Variants in MACROD2 observed in about 807,000 individuals in gnomAD.
The protein encoded by MACROD2 is ADP-ribose glycohydrolase MACROD2.
Under a neutral mutation model 70.4 loss-of-function variants are expected in MACROD2, and 36 were observed. The ratio of observed to expected loss-of-function variants is 0.51; its 90% CI spans 0.39 to 0.68. The LOEUF (loss-of-function observed/expected upper bound fraction) is 0.68. Among genes scored for constraint, MACROD2 ranks in the 30% least tolerant of loss-of-function variants. The pLI, the probability that MACROD2 is intolerant of heterozygous loss-of-function variation, is 0.00. For synonymous variants in MACROD2, 172 were observed against 178.8 expected, an observed-to-expected ratio of 0.96 and a Z score of 0.30; for missense variants, 496 against 538.4, an observed-to-expected ratio of 0.92 and a Z score of 0.78.
At chr20:14,060,934 AC>A (rs969650015) in intron 2 of MACROD2, among the ~76,000 whole-genome samples, 11 of 152,204 alleles carry the variant, frequency 7.2e-5, no homozygotes, top group African/African-American at 2.4e-4. Flanking sequence ...GTCCTTAGGT[AC>A]CTCGTGTCTT....
At chr20:14,604,659 T>A (rs894727872) in intron 4 of MACROD2, among the ~76,000 whole-genome samples, 4 of 152,202 alleles carry the variant, frequency 2.6e-5, no homozygotes, top group Admixed American at 6.5e-5. Flanking sequence ...TTTATTGCTC[T>A]TTCCTCCAAC....
At chr20:14,402,747 A>G (rs2083651128) in intron 3 of MACROD2, among the ~76,000 whole-genome samples, 1 of 152,220 alleles carries the variant, frequency 6.6e-6, no homozygotes, top group Admixed American at 6.5e-5. Context: ...ACAATCATAA[A>G]CAGACCAATA....
chr20:14,125,397 C>T (rs1036576905), intron 3 of MACROD2, among the ~76,000 whole-genome samples: 5 of 152,028 alleles, frequency 3.3e-5, no homozygotes, highest in African/African-American at 7.2e-5. Flanking sequence ...TTCATTTTTT[C>T]GGGACTAATC....
intron 8 of MACROD2, among the ~76,000 whole-genome samples, chr20:15,810,126 G>T (rs1319302687): frequency 6.7e-6 from 1 of 149,446 alleles, no homozygotes; most frequent in South Asian, 2.1e-4. Context: ...TTGGTTTTTT[G>T]TCCTTGCGAT....
At chr20:14,575,041 A>AAAAAAAAAAAAAT (rs1175447813) in intron 4 of MACROD2, among the ~76,000 whole-genome samples, 1 of 23,862 alleles carries the variant, frequency 4.2e-5, no homozygotes, top group African/African-American at 7.5e-5. Flanking sequence ...AAAAAAAAAA[A>AAAAAAAAAAAAAT]ATATTCACAA....
At chr20:15,344,132 A>G (rs2078138513) in intron 6 of MACROD2, among the ~76,000 whole-genome samples, 1 of 152,224 alleles carries the variant, frequency 6.6e-6, no homozygotes, top group Non-Finnish European at 1.5e-5. Context: ...TTTACATTCC[A>G]GATGCAGATC....
chr20:15,824,587 G>A (rs2063976627), intron 8 of MACROD2, among the ~76,000 whole-genome samples: 1 of 152,188 alleles, frequency 6.6e-6, no homozygotes, highest in Non-Finnish European at 1.5e-5. Context: ...AGTGATGCTA[G>A]ATATTCTTCT....
At chr20:15,536,774 T>C (rs2047880399) in intron 8 of MACROD2, among the ~76,000 whole-genome samples, 2 of 152,346 alleles carry the variant, frequency 1.3e-5, no homozygotes, top group South Asian at 4.1e-4. Flanking sequence ...TTTATTATGA[T>C]CGTTTCCATC....
chr20:14,847,530 C>G (rs2073156731), intron 5 of MACROD2, among the ~76,000 whole-genome samples: 1 of 139,242 alleles, frequency 7.2e-6, no homozygotes, highest in African/African-American at 2.8e-5. Context: ...CAGTACAATG[C>G]AACACACAGA....
intron 4 of MACROD2, among the ~76,000 whole-genome samples, chr20:14,583,070 G>T (rs73612370): frequency 5.7e-5 from 1 of 17,450 alleles, no homozygotes; most frequent in African/African-American, 1.0e-4. Context: ...AACTAAGGAC[G>T]TGTGACTGTA....
chr20:14,522,510 C>T (rs2085180342), intron 4 of MACROD2, among the ~76,000 whole-genome samples: 1 of 152,214 alleles, frequency 6.6e-6, no homozygotes. Flanking sequence ...GGTGCCTCTA[C>T]TCTGTCGGGC....
intron 8 of MACROD2, among the ~76,000 whole-genome samples, chr20:15,586,091 C>T (rs541183237): frequency 1.3e-3 from 198 of 152,302 alleles, no homozygotes; most frequent in African/African-American, 4.6e-3. Flanking sequence ...TCAGTTATGG[C>T]TTTTCCCTAC....
intron 8 of MACROD2, among the ~76,000 whole-genome samples, chr20:15,681,461 T>C (rs1041971216): frequency 6.6e-6 from 1 of 152,180 alleles, no homozygotes; most frequent in South Asian, 2.1e-4. Flanking sequence ...AGGCCTGACA[T>C]TGTAGCTCTT....
chr20:14,640,411 AT>A (rs555203492), intron 4 of MACROD2, among the ~76,000 whole-genome samples: 136 of 151,734 alleles, frequency 9.0e-4, no homozygotes, highest in Non-Finnish European at 1.2e-3. Flanking sequence ...TGAAAAGGAT[AT>A]TTTTTTTTCT....
At chr20:14,195,260 C>T (rs975676728) in intron 3 of MACROD2, among the ~76,000 whole-genome samples, 12 of 152,058 alleles carry the variant, frequency 7.9e-5, no homozygotes, top group African/African-American at 2.9e-4. Context: ...GTATAGCACA[C>T]CAAACCCCAC....
At position 14,870,829 on chromosome 20, in the gene MACROD2, T is replaced by C. The variant is rs145357208; in HGVS notation, c.418+185870T>C. On this transcript the variant is annotated intron_variant, in intron 5 of 17. Coordinates refer to ENST00000684519, the MANE Select transcript of MACROD2 (RefSeq NM_001351661.2). ...TTCTTGTAAATGTATTTAAGTTCCT[T>C]ATAGATGCTGGATATTAGACCTTTG... Among the ~76,000 whole-genome samples, 582 of 152,276 alleles carry C rather than the reference T, an allele frequency of 3.8e-3. 8 individuals carry two copies. Among genetic ancestry groups the C allele is most frequent in the Non-Finnish European group, 5.9e-3 (403 of 68,012 alleles).
intron 3 of MACROD2, among the ~76,000 whole-genome samples, chr20:14,297,350 T>C (rs551594535): frequency 1.3e-5 from 2 of 152,118 alleles, no homozygotes; most frequent in East Asian, 1.9e-4. Flanking sequence ...AAAGCCAAGA[T>C]AGGCCGAAAG....
At chr20:15,998,980 CAGAGATTTCATGAGAGATT>C (rs1414056257) in intron 15 of MACROD2, among the ~76,000 whole-genome samples, 2 of 152,022 alleles carry the variant, frequency 1.3e-5, no homozygotes, top group Non-Finnish European at 2.9e-5. Context: ...CATTAGAGAT[CAGAGATTTCATGAGAGATT>C]AGAGATTTCA....
At chr20:15,673,528 A>C (rs2050011631) in intron 8 of MACROD2, among the ~76,000 whole-genome samples, 1 of 152,170 alleles carries the variant, frequency 6.6e-6, no homozygotes, top group Non-Finnish European at 1.5e-5. Flanking sequence ...ATCTCTATTA[A>C]AAAATTTTAA....
Sources: gnomAD v4.1 joint callset for allele counts (sites outside exome capture counted in the v4.1 genomes callset) on GRCh38, gnomAD v4.1.1 for gene constraint, MANE v1.5 for transcripts, NCBI Gene and HGNC (gene_info 2026-07-23, HGNC 2026-07-21) for gene names.